The following SAP30BP variants were observed in gnomAD, a reference collection of about 807,000 sequenced individuals.
SAP30BP encodes the protein SAP30-binding protein.
SAP30BP carries 31 observed loss-of-function variants against 46.3 expected under a neutral mutation model. The observed-to-expected ratio is 0.67, with a 90% CI of 0.50 to 0.90. SAP30BP has a LOEUF of 0.90. Ranked by LOEUF, SAP30BP falls within the 40% of genes least tolerant of loss-of-function variation. SAP30BP has a pLI of 0.00. For synonymous variants in SAP30BP, 169 were observed against 144.2 expected (o/e 1.17, Z -1.23); for missense variants, 312 against 391.0 (o/e 0.80, Z 1.70).
chr17:75,679,121 G>A (rs972971655), intron 3 of SAP30BP, among the ~76,000 whole-genome samples: 2 of 151,408 alleles, frequency 1.3e-5, no homozygotes, highest in Admixed American at 1.3e-4. Context: ...AGCCTCCCGA[G>A]TAGTACCTGG....
intron 4 of SAP30BP, 100 bp from the exon 5 acceptor site, chr17:75,699,683 A>T: frequency 1.3e-6 from 1 of 779,146 alleles, no homozygotes. Flanking sequence ...CATAGTGTTT[A>T]TCCCTACCTG....
At chr17:75,681,247 CAGGTAGTAGTCTG>C (rs2148386894) in intron 3 of SAP30BP, among the ~76,000 whole-genome samples, 1 of 152,262 alleles carries the variant, frequency 6.6e-6, no homozygotes, top group South Asian at 2.1e-4. Context: ...TGGGTTACCC[CAGGTAGTAGTCTG>C]GGAACTGTGG....
At chr17:75,668,466 G>GTTTT in intron 1 of SAP30BP, 50 bp from the exon 2 acceptor site, 1 of 1,081,328 alleles carries the variant, frequency 9.2e-7, no homozygotes, top group Non-Finnish European at 1.3e-6. Context: ...TGTAACTCTT[G>GTTTT]TTTTTTTTTT....
At chr17:75,699,724 C>T in intron 4 of SAP30BP, 59 bp from the exon 5 acceptor site, 2 of 1,133,456 alleles carry the variant, frequency 1.8e-6, no homozygotes, top group African/African-American at 1.5e-5. Context: ...GTTTTTTTGT[C>T]CATGTCTGTC....
At chr17:75,673,663 T>C (rs1444093730) in intron 3 of SAP30BP, among the ~76,000 whole-genome samples, 1 of 152,096 alleles carries the variant, frequency 6.6e-6, no homozygotes, top group Non-Finnish European at 1.5e-5. Context: ...CAACAAATCC[T>C]TGGGAGATGA....
intron 6 of SAP30BP, chr17:75,702,786 G>A (rs1025185352): frequency 6.6e-5 from 26 of 392,088 alleles, no homozygotes; most frequent in Non-Finnish European, 1.1e-4. Flanking sequence ...AATTCATACC[G>A]AGACCTAGAC....
rs565390765 is a variant in SAP30BP at position 75,684,194 on chromosome 17, G to A, written c.265-9246G>A. On this transcript the variant is annotated intron_variant, in intron 3 of 10. Coordinates refer to ENST00000584667, the MANE Select transcript of SAP30BP (RefSeq NM_013260.8). Reference sequence around the variant, plus strand: ...AACATTGCCATTTATTGGGTGAGCTGCTTCATTGTGTTTTACCTCAGTTTA... The same window carrying A: ...AACATTGCCATTTATTGGGTGAGCTACTTCATTGTGTTTTACCTCAGTTTA... Among the ~76,000 whole-genome samples the A allele has an allele frequency of 5.9e-5, 9 of 152,308 alleles. No individual in the cohort carries two copies. In the East Asian group the frequency reaches 1.7e-3, roughly 29 times the overall value.
At chr17:75,672,097 T>C in intron 3 of SAP30BP, 1 of 519,436 alleles carries the variant, frequency 1.9e-6, no homozygotes, top group East Asian at 3.3e-5. Flanking sequence ...ATCTCCTGAC[T>C]AGAAAGGCGA....
chr17:75,690,717 A>C (rs2060229062), intron 3 of SAP30BP: 3 of 456,738 alleles, frequency 6.6e-6, no homozygotes, highest in Non-Finnish European at 8.8e-6. Context: ...CAGCAAGCTC[A>C]TGGCCCAGCT....
intron 2 of SAP30BP, among the ~76,000 whole-genome samples, chr17:75,669,380 G>A (rs550144372): frequency 2.0e-5 from 3 of 152,100 alleles, no homozygotes; most frequent in African/African-American, 7.2e-5. Flanking sequence ...GAGTAGCTGG[G>A]ATTACAGACA....
intron 4 of SAP30BP, among the ~76,000 whole-genome samples, chr17:75,697,075 C>T (rs1034105376): frequency 1.3e-5 from 2 of 152,162 alleles, no homozygotes; most frequent in African/African-American, 2.4e-5. Context: ...CCGCGCCCGG[C>T]CCCTCCTCTT....
Position 75,667,442 on chromosome 17 carries a change from GGCGAGGCTGGAATCGAGGCGGTGGGCA to G in SAP30BP, c.74_100del (p.Glu25_Ser33del). 2 of 1,614,240 alleles carry G rather than the reference GGCGAGGCTGGAATCGAGGCGGTGGGCA, an allele frequency of 1.2e-6. No homozygotes were observed. Among genetic ancestry groups the G allele is most frequent in the Non-Finnish European group, 1.7e-6 (2 of 1,180,044 alleles). ...GGAAGATTCAGAGCCCGAGTCTGAT[GGCGAGGCTGGAATCGAGGCGGTGGGCA>G]GCGCGGCTGGTAAGGCCCAAGTGCG... On this transcript the variant is annotated inframe_deletion, in exon 1 of 11. Transcript: ENST00000584667.
intron 3 of SAP30BP, among the ~76,000 whole-genome samples, chr17:75,674,389 G>A (rs1279892028): frequency 6.6e-6 from 1 of 151,934 alleles, no homozygotes; most frequent in Non-Finnish European, 1.5e-5. Flanking sequence ...CCGCCTCCTG[G>A]GTTCAAGCGA....
At chr17:75,687,341 TGTG>T (rs1316329616) in intron 3 of SAP30BP, among the ~76,000 whole-genome samples, 1 of 152,166 alleles carries the variant, frequency 6.6e-6, no homozygotes, top group African/African-American at 2.4e-5. Flanking sequence ...CAGGGCCAGA[TGTG>T]GTGGCTCACA....
At chr17:75,671,713 C>G in intron 2 of SAP30BP, 103 bp from the exon 3 acceptor site, 2 of 852,948 alleles carry the variant, frequency 2.3e-6, no homozygotes, top group Non-Finnish European at 4.1e-6. Flanking sequence ...TGGGATGACC[C>G]CAGCTGGGTA....
At chr17:75,671,888 T>TGGC in intron 3 of SAP30BP, 25 bp downstream of exon 3, 1 of 1,603,172 alleles carries the variant, frequency 6.2e-7, no homozygotes, top group Non-Finnish European at 8.5e-7. Flanking sequence ...CTGTGGTGGG[T>TGGC]GGCTGGATGC....
intron 9 of SAP30BP, chr17:75,705,720 G>A (rs1408432677): frequency 8.4e-7 from 1 of 1,194,588 alleles, no homozygotes; most frequent in South Asian, 1.7e-5. Flanking sequence ...TGGCCAAACG[G>A]TTCTGGGCAT....
intron 3 of SAP30BP, among the ~76,000 whole-genome samples, chr17:75,676,168 T>C (rs2059987547): frequency 1.3e-5 from 2 of 152,248 alleles, no homozygotes; most frequent in Non-Finnish European, 2.9e-5. Flanking sequence ...CATCATGGAA[T>C]GCAAAGCCTT....
chr17:75,693,838 A>G (rs820216), intron 4 of SAP30BP, among the ~76,000 whole-genome samples: 43,982 of 151,916 alleles, frequency 0.29, 6,679 homozygotes, highest in Middle Eastern at 0.36. Context: ...CTCCGCTGGC[A>G]TATGCATGCT....
Sources: gnomAD v4.1 joint callset for allele counts (sites outside exome capture counted in the v4.1 genomes callset) on GRCh38, gnomAD v4.1.1 for gene constraint, MANE v1.5 for transcripts, NCBI Gene and HGNC (gene_info 2026-07-23, HGNC 2026-07-21) for gene names.